HECW2: variants seen among roughly 807,000 people sequenced by gnomAD.
The protein encoded by HECW2 is E3 ubiquitin-protein ligase HECW2.
Under a neutral mutation model 175.2 loss-of-function variants are expected in HECW2, and 61 were observed. That is an observed-to-expected ratio of 0.35 (90% CI 0.28 to 0.43). HECW2 has a LOEUF of 0.43. Ranked by LOEUF, HECW2 falls within the 20% of genes least tolerant of loss-of-function variation. The pLI, the probability that HECW2 is intolerant of heterozygous loss-of-function variation, is 1.00. For synonymous variants in HECW2, 671 were observed against 731.0 expected (o/e 0.92, Z 1.32); for missense variants, 1,524 against 2,000.5 (o/e 0.76, Z 4.54).
chr2:196,384,460 C>T (rs1694292961), intron 2 of HECW2, among the ~76,000 whole-genome samples: 2 of 152,040 alleles, frequency 1.3e-5, no homozygotes, highest in Non-Finnish European at 2.9e-5. Context: ...CATCCGCCTG[C>T]AGTCCCAGAT....
At chr2:196,325,927 T>C (rs543615948) in intron 5 of HECW2, among the ~76,000 whole-genome samples, 44 of 152,340 alleles carry the variant, frequency 2.9e-4, no homozygotes, top group African/African-American at 1.0e-3. Context: ...TGTTTTTCCA[T>C]GGTCAGGCTA....
intron 23 of HECW2, among the ~76,000 whole-genome samples, chr2:196,223,832 G>C (rs994227968): frequency 6.6e-6 from 1 of 152,162 alleles, no homozygotes; most frequent in Non-Finnish European, 1.5e-5. Context: ...CTCTAACTAG[G>C]GCTGTGCTAT....
intron 5 of HECW2, among the ~76,000 whole-genome samples, chr2:196,326,015 A>T (rs1692137181): frequency 6.6e-6 from 1 of 152,228 alleles, no homozygotes; most frequent in African/African-American, 2.4e-5. Flanking sequence ...TTTGAATAAG[A>T]TAGGCCTGGG....
At chr2:196,486,907 G>A (rs1416133801) in intron 1 of HECW2, among the ~76,000 whole-genome samples, 2 of 152,172 alleles carry the variant, frequency 1.3e-5, no homozygotes, top group Admixed American at 1.3e-4. Context: ...GCCGAGGCAG[G>A]AGGATCACTT....
At chr2:196,464,813 G>A (rs1294722538) in intron 1 of HECW2, among the ~76,000 whole-genome samples, 1 of 152,150 alleles carries the variant, frequency 6.6e-6, no homozygotes. Flanking sequence ...AGGCCGAGGT[G>A]GGCGGATCAC....
chr2:196,211,170 G>C (rs1404500017), intron 28 of HECW2, among the ~76,000 whole-genome samples: 1 of 152,002 alleles, frequency 6.6e-6, no homozygotes, highest in East Asian at 1.9e-4. Flanking sequence ...GCAGCTCTCA[G>C]GTCCTCCGTC....
chr2:196,307,375 C>T, intron 11 of HECW2, 142 bp from the exon 12 acceptor site: 1 of 495,866 alleles, frequency 2.0e-6, no homozygotes, highest in Non-Finnish European at 3.6e-6. Flanking sequence ...ACTTCTTGGC[C>T]ACCTGCTGTT....
Position 196,222,504 on chromosome 2 carries a change from A to C in HECW2, c.4017-164T>G, listed in dbSNP as rs1687706250. On this transcript the variant is annotated intron_variant, in intron 23 of 28. Transcript: ENST00000644978. Reference sequence around the variant, plus strand: ...CCAAGTCCAGTAATTAAACCAAACCAGTGAAATAATTCAGAAATTTGTTAT... The same window carrying C: ...CCAAGTCCAGTAATTAAACCAAACCCGTGAAATAATTCAGAAATTTGTTAT... 2.0e-5 allele frequency among the ~76,000 whole-genome samples: 3 copies of C among 152,260 alleles called. No individual in the cohort carries two copies. The South Asian group carries it at 6.2e-4, about 31-fold the overall frequency.
At chr2:196,231,753 C>A (rs1433952240) in intron 21 of HECW2, among the ~76,000 whole-genome samples, 1 of 137,798 alleles carries the variant, frequency 7.3e-6, no homozygotes, top group African/African-American at 2.7e-5. Flanking sequence ...CTTTGGGAGG[C>A]TGAGGCAGAC....
intron 1 of HECW2, among the ~76,000 whole-genome samples, chr2:196,448,017 C>A (rs905159553): frequency 6.6e-6 from 1 of 152,198 alleles, no homozygotes; most frequent in African/African-American, 2.4e-5. Flanking sequence ...AGAGATTGTG[C>A]CACTGCACTC....
intron 14 of HECW2, among the ~76,000 whole-genome samples, chr2:196,286,621 C>A (rs1178739485): frequency 6.6e-6 from 1 of 152,086 alleles, no homozygotes. Flanking sequence ...CGCATTAATT[C>A]TTTCTAACAT....
At chr2:196,449,214 T>C (rs1247378407) in intron 1 of HECW2, among the ~76,000 whole-genome samples, 4 of 152,196 alleles carry the variant, frequency 2.6e-5, no homozygotes. Flanking sequence ...TGCACAGAAC[T>C]AATCCTTTGG....
intron 28 of HECW2, among the ~76,000 whole-genome samples, chr2:196,205,637 AAAAGG>A (rs1436706981): frequency 2.0e-5 from 3 of 152,198 alleles, no homozygotes; most frequent in African/African-American, 7.2e-5. Flanking sequence ...GCAAATACTC[AAAAGG>A]ATACTTTAGA....
chr2:196,353,104 C>T lies in HECW2; in HGVS notation c.293-9340G>A, dbSNP rs545521563. Reference sequence around the variant, plus strand: ...TCACCCTTTCCTACTTTCCCCGCCTCGCTCCTTACCCCCTTCCAGCCACAT... The same window carrying T: ...TCACCCTTTCCTACTTTCCCCGCCTTGCTCCTTACCCCCTTCCAGCCACAT... On this transcript the variant is annotated intron_variant, in intron 2 of 28. Transcript: ENST00000644978. Among the ~76,000 whole-genome samples, 20 of 152,274 alleles carry T rather than the reference C, an allele frequency of 1.3e-4. No individual in the cohort carries two copies. In the South Asian group the frequency reaches 3.5e-3, roughly 27 times the overall value.
At chr2:196,237,732 G>A (rs1688306359) in intron 21 of HECW2, among the ~76,000 whole-genome samples, 1 of 152,090 alleles carries the variant, frequency 6.6e-6, no homozygotes, top group African/African-American at 2.4e-5. Flanking sequence ...ATAATCAATA[G>A]CCTTGTATTT....
chr2:196,327,706 C>T (rs536436102), intron 5 of HECW2, among the ~76,000 whole-genome samples: 8 of 152,318 alleles, frequency 5.3e-5, no homozygotes, highest in African/African-American at 1.9e-4. Context: ...TTGGTTTCAG[C>T]TCCTAGTCAT....
chr2:196,214,206 C>T (rs1263903105), intron 28 of HECW2, among the ~76,000 whole-genome samples: 1 of 152,062 alleles, frequency 6.6e-6, no homozygotes, highest in Non-Finnish European at 1.5e-5. Context: ...TCACCAAGAC[C>T]CTGCTGCAGG....
chr2:196,391,234 A>G (rs943168164), intron 2 of HECW2, among the ~76,000 whole-genome samples: 2 of 152,124 alleles, frequency 1.3e-5, no homozygotes, highest in African/African-American at 4.8e-5. Context: ...GGTTCTAGTA[A>G]CTGTTCCCTC....
At chr2:196,220,722 A>G in intron 25 of HECW2, 73 bp downstream of exon 25, 2 of 1,464,514 alleles carry the variant, frequency 1.4e-6, no homozygotes, top group Non-Finnish European at 1.9e-6. Flanking sequence ...CTACACATGT[A>G]AAGTACAATA....
Sources: allele counts gnomAD v4.1 joint callset (sites outside exome capture counted in the v4.1 genomes callset), GRCh38; gene constraint gnomAD v4.1.1; transcripts MANE v1.5; gene names NCBI Gene and HGNC (gene_info 2026-07-23, HGNC 2026-07-21).